Variants in MYLK observed in about 807,000 individuals in gnomAD.
MYLK encodes myosin light chain kinase, also known as myosin light chain kinase, smooth muscle.
Under a neutral mutation model 203.4 loss-of-function variants are expected in MYLK, and 106 were observed. That is an observed-to-expected ratio of 0.52 (90% CI 0.45 to 0.61). The LOEUF (loss-of-function observed/expected upper bound fraction) is 0.61, where lower values mean the gene tolerates loss of function less well. Ranked by LOEUF, MYLK falls within the 20% of genes least tolerant of loss-of-function variation. MYLK has a pLI of 0.00. For missense variants in MYLK, 2,072 were observed against 2,442.3 expected (o/e 0.85, Z 3.20); for synonymous variants, 867 against 959.5 (o/e 0.90, Z 1.78).
At chr3:123,650,419 G>T (rs1161371017) in intron 24 of MYLK, among the ~76,000 whole-genome samples, 1 of 152,160 alleles carries the variant, frequency 6.6e-6, no homozygotes, top group Non-Finnish European at 1.5e-5. Context: ...GAGTGTGTGT[G>T]TATGTGTGTG....
chr3:123,655,633 C>T (rs1040105727), intron 24 of MYLK, among the ~76,000 whole-genome samples: 2 of 152,210 alleles, frequency 1.3e-5, no homozygotes, highest in African/African-American at 4.8e-5. Flanking sequence ...TGGAAGACAG[C>T]CTGACCTCTT....
At chr3:123,716,671 ACT>A (rs2061905714) in intron 13 of MYLK, among the ~76,000 whole-genome samples, 1 of 152,096 alleles carries the variant, frequency 6.6e-6, no homozygotes, top group African/African-American at 2.4e-5. Flanking sequence ...TGGAAGCCAC[ACT>A]CTCAGTTACA....
intron 20 of MYLK, chr3:123,681,966 A>G: frequency 1.9e-6 from 1 of 539,148 alleles, no homozygotes. Flanking sequence ...GGGGAGGTAG[A>G]TAGGAGCTCA....
rs767114476 is a variant in MYLK at position 123,733,870 on chromosome 3, G to C, written c.1126C>G (p.Pro376Ala). Residue 376 changes from proline to alanine, a missense_variant, in exon 10 of 34, where the codon CCT (proline) becomes GCT (alanine). Pro to Ala is a conservative substitution (Grantham distance 27). This residue lies in a region of MYLK where 683 missense variants were observed against 643.8 expected (regional missense o/e 1.06). Transcript: ENST00000360304. ...PSGEERKRPA[P>A]PRPATFPTRQ... ...GTGGGGAAGGTGGCTGGACGGGGAG[G>C]AGCTGGCCTCTTCCTCTCTTCTCCA... is the stretch of plus-strand genomic sequence containing the variant. The C allele has an allele frequency of 6.2e-7, 1 of 1,614,126 alleles. No homozygotes were observed. The highest frequency in any genetic ancestry group is 8.5e-7 in the Non-Finnish European group (1 of 1,180,044).
At chr3:123,743,622 C>G (rs781666536) in intron 5 of MYLK, among the ~76,000 whole-genome samples, 19 of 151,990 alleles carry the variant, frequency 1.3e-4, no homozygotes, top group Non-Finnish European at 2.4e-4. Flanking sequence ...AGGACAGAAG[C>G]AAGTTGCTGA....
intron 2 of MYLK, among the ~76,000 whole-genome samples, chr3:123,842,333 C>T (rs2066610387): frequency 6.6e-6 from 1 of 151,854 alleles, no homozygotes; most frequent in South Asian, 2.1e-4. Context: ...AGAGAATACC[C>T]CTGGCATCAT....
At chr3:123,674,822 A>G (rs1237918257) in intron 20 of MYLK, among the ~76,000 whole-genome samples, 1 of 152,222 alleles carries the variant, frequency 6.6e-6, no homozygotes, top group African/African-American at 2.4e-5. Context: ...CAGCTCATGC[A>G]CCACTAATGC....
intron 3 of MYLK, among the ~76,000 whole-genome samples, chr3:123,816,763 C>A (rs1390424285): frequency 6.6e-6 from 1 of 152,192 alleles, no homozygotes; most frequent in African/African-American, 2.4e-5. Flanking sequence ...AACAGCCAGG[C>A]TGAGTTGGGG....
Position 123,733,893 on chromosome 3 carries a change from C to T in MYLK, c.1103G>A (p.Gly368Glu), listed in dbSNP as rs2062581349. Reference protein sequence around the residue: ...APGLGVLSPSGEERKRPAPPR... With the variant: ...APGLGVLSPSEEERKRPAPPR... ...AGGAGCTGGCCTCTTCCTCTCTTCT[C>T]CAGAAGGTGATAGGACCCCCAGGCC... The change falls in exon 10 of 34, where the codon GGA (glycine) becomes GAA (glutamate). Residue 368 changes from glycine to glutamate, a missense_variant. Physicochemically the swap from Gly to Glu is moderately conservative, Grantham distance 98 (BLOSUM62 -2). Coordinates refer to ENST00000360304, the MANE Select transcript of MYLK (RefSeq NM_053025.4). 6.2e-7 allele frequency: 1 copy of T among 1,614,142 alleles called. No homozygotes were observed. Among genetic ancestry groups the T allele is most frequent in the Non-Finnish European group, 8.5e-7 (1 of 1,180,046 alleles).
At chr3:123,870,449 A>T (rs2032698317) in intron 2 of MYLK, among the ~76,000 whole-genome samples, 1 of 152,228 alleles carries the variant, frequency 6.6e-6, no homozygotes, top group Non-Finnish European at 1.5e-5. Flanking sequence ...TATACCTGAC[A>T]GGAGATCAGA....
chr3:123,754,328 C>T (rs149274785), intron 4 of MYLK, among the ~76,000 whole-genome samples: 40 of 152,328 alleles, frequency 2.6e-4, no homozygotes, highest in South Asian at 1.2e-3. Flanking sequence ...TCTGTCCCCA[C>T]TAATTTGTGG....
intron 3 of MYLK, among the ~76,000 whole-genome samples, chr3:123,824,077 T>C (rs2066029576): frequency 6.6e-6 from 1 of 151,908 alleles, no homozygotes; most frequent in Non-Finnish European, 1.5e-5. Flanking sequence ...TGCTCCTTAT[T>C]GTACTTTATT....
At chr3:123,627,241 C>T (rs1476588169) in intron 30 of MYLK, among the ~76,000 whole-genome samples, 3 of 152,210 alleles carry the variant, frequency 2.0e-5, no homozygotes, top group East Asian at 1.9e-4. Flanking sequence ...GCAGGGCAGA[C>T]GTTTCTGGGA....
Position 123,868,277 on chromosome 3 carries a change from C to G in MYLK, c.-127+8282G>C, listed in dbSNP as rs9863790. Among the ~76,000 whole-genome samples the G allele has an allele frequency of 5.9e-3, 902 of 152,086 alleles. 10 individuals are homozygous for G. Among genetic ancestry groups the G allele is most frequent in the African/African-American group, 0.021 (868 of 41,486 alleles). ...AAAAAAAGAGGATCGTATCTTTTGA[C>G]CTAGCAATGCTTTTCTTGGAATATA... On this transcript the variant is annotated intron_variant, in intron 2 of 33. Coordinates refer to ENST00000360304, the MANE Select transcript of MYLK (RefSeq NM_053025.4).
At chr3:123,840,415 GTC>G (rs142347556) in intron 2 of MYLK, among the ~76,000 whole-genome samples, 4,352 of 148,302 alleles carry the variant, frequency 0.029, 74 homozygotes, top group Middle Eastern at 0.046. Context: ...TATAGAACAA[GTC>G]TCTCTCTCTA....
intron 7 of MYLK, among the ~76,000 whole-genome samples, chr3:123,737,931 T>C (rs1477507229): frequency 6.6e-6 from 1 of 152,112 alleles, no homozygotes; most frequent in East Asian, 1.9e-4. Flanking sequence ...TACCCAGGCA[T>C]TCCAACTCTG....
chr3:123,765,503 C>T (rs1478787808), intron 4 of MYLK, among the ~76,000 whole-genome samples: 1 of 150,680 alleles, frequency 6.6e-6, no homozygotes, highest in Non-Finnish European at 1.5e-5. Context: ...TGCACTCTAG[C>T]CTGGGTAACA....
chr3:123,714,218 C>T (rs1352191461), intron 13 of MYLK, among the ~76,000 whole-genome samples: 2 of 152,188 alleles, frequency 1.3e-5, no homozygotes, highest in African/African-American at 2.4e-5. Context: ...GAAAGAAGCT[C>T]GCCTGTCCTA....
chr3:123,841,485 C>T (rs1457341035), intron 2 of MYLK, among the ~76,000 whole-genome samples: 1 of 152,122 alleles, frequency 6.6e-6, no homozygotes, highest in Admixed American at 6.6e-5. Context: ...CTGCTTCTCA[C>T]TCTAAAGAAG....
Sources: gnomAD v4.1 joint callset for allele counts (sites outside exome capture counted in the v4.1 genomes callset) on GRCh38, gnomAD v4.1.1 for gene constraint, gnomAD v4.1.1 regional missense constraint, MANE v1.5 for transcripts, NCBI Gene and HGNC (gene_info 2026-07-23, HGNC 2026-07-21) for gene names.